LPP: variants seen among roughly 807,000 people sequenced by gnomAD.
LPP encodes the protein lipoma-preferred partner.
A neutral mutation model predicts 60.4 loss-of-function variants in LPP; 38 were observed. The observed-to-expected ratio is 0.63, with a 90% CI of 0.49 to 0.83. The LOEUF (loss-of-function observed/expected upper bound fraction) is 0.83. Among genes scored for constraint, LPP ranks in the 40% least tolerant of loss-of-function variants. The pLI is 0.00. For missense variants in LPP, 902 were observed against 783.6 expected (o/e 1.15, Z -1.80); for synonymous variants, 328 against 290.8 (o/e 1.13, Z -1.30).
At chr3:188,466,921 GC>G (rs1170886107) in intron 4 of LPP, among the ~76,000 whole-genome samples, 10 of 58,578 alleles carry the variant, frequency 1.7e-4, no homozygotes, top group Admixed American at 7.1e-4. Context: ...ACCTCCCCCC[GC>G]CCCCCCGCCT....
chr3:188,171,179 T>C (rs1721490927), intron 1 of LPP, among the ~76,000 whole-genome samples: 1 of 152,152 alleles, frequency 6.6e-6, no homozygotes, highest in Admixed American at 6.6e-5. Flanking sequence ...AATTTGAATG[T>C]TTACTAAGTC....
At chr3:188,760,004 TG>T in intron 8 of LPP, 108 bp from the exon 9 acceptor site, 1 of 843,408 alleles carries the variant, frequency 1.2e-6, no homozygotes, top group Non-Finnish European at 1.9e-6. Flanking sequence ...ACGGCAGGAG[TG>T]GTGGTTCTAT....
intron 1 of LPP, among the ~76,000 whole-genome samples, chr3:188,201,477 C>T (rs1188734096): frequency 3.9e-5 from 6 of 152,112 alleles, no homozygotes; most frequent in Non-Finnish European, 7.4e-5. Context: ...GCGGCTAAGG[C>T]GGGCGGATCA....
At chr3:188,620,118 T>C (rs1484901082) in intron 7 of LPP, among the ~76,000 whole-genome samples, 2 of 152,166 alleles carry the variant, frequency 1.3e-5, no homozygotes, top group Non-Finnish European at 2.9e-5. Context: ...TTTTATATAA[T>C]AACATTTTAA....
At chr3:188,694,177 G>T (rs1432140608) in intron 7 of LPP, among the ~76,000 whole-genome samples, 3 of 152,168 alleles carry the variant, frequency 2.0e-5, no homozygotes, top group Non-Finnish European at 4.4e-5. Flanking sequence ...GAACCCGGCA[G>T]AAAATTTTTC....
At chr3:188,512,572 T>TAAAC (rs1357410271) in intron 5 of LPP, among the ~76,000 whole-genome samples, 2 of 150,686 alleles carry the variant, frequency 1.3e-5, no homozygotes, top group Non-Finnish European at 3.0e-5. Context: ...AATAAATAAA[T>TAAAC]AAATAAATAA....
chr3:188,826,651 CT>C (rs1755598962), intron 9 of LPP, among the ~76,000 whole-genome samples: 1 of 152,084 alleles, frequency 6.6e-6, no homozygotes, highest in African/African-American at 2.4e-5. Flanking sequence ...AATTCCCTCC[CT>C]CAAGCTCCCC....
Position 188,510,512 on chromosome 3 carries a change from T to C in LPP, c.307-14153T>C, listed in dbSNP as rs57437604. ...CTCAGCCTGAAATATGTGTGATTCA[T>C]ACCATGTGTTTGTTCCCACATCAAC... On this transcript the variant is annotated intron_variant, in intron 5 of 11. Coordinates refer to ENST00000617246, the MANE Select transcript of LPP (RefSeq NM_001375462.1). Among the ~76,000 whole-genome samples the C allele has an allele frequency of 3.4e-3, 524 of 152,330 alleles. 8 individuals are homozygous for C. The highest frequency in any genetic ancestry group is 0.012 in the African/African-American group (499 of 41,566).
intron 7 of LPP, among the ~76,000 whole-genome samples, chr3:188,681,466 C>T (rs564295237): frequency 6.6e-6 from 1 of 152,326 alleles, no homozygotes; most frequent in Non-Finnish European, 1.5e-5. Context: ...AGCATTTGAT[C>T]TACCTTCTCT....
intron 4 of LPP, among the ~76,000 whole-genome samples, chr3:188,478,246 A>G (rs1803756067): frequency 6.6e-6 from 1 of 152,138 alleles, no homozygotes; most frequent in Non-Finnish European, 1.5e-5. Context: ...TGTCATGTAT[A>G]ATGTAGACAT....
chr3:188,236,083 T>TA (rs537815631), intron 2 of LPP, among the ~76,000 whole-genome samples: 2 of 151,756 alleles, frequency 1.3e-5, no homozygotes, highest in Non-Finnish European at 1.5e-5. Context: ...GAACAAATGT[T>TA]AAAAAAAAGA....
At chr3:188,231,139 ACT>A (rs1289206433) in intron 2 of LPP, among the ~76,000 whole-genome samples, 1 of 152,196 alleles carries the variant, frequency 6.6e-6, no homozygotes, top group African/African-American at 2.4e-5. Context: ...GAGGTGACAC[ACT>A]GTTCCCTCTG....
chr3:188,820,904 T>A (rs1328871831), intron 9 of LPP, among the ~76,000 whole-genome samples: 1 of 152,154 alleles, frequency 6.6e-6, no homozygotes, highest in African/African-American at 2.4e-5. Context: ...GTATTATCTA[T>A]GAAACTGTTA....
At chr3:188,743,620 T>C (rs1428228689) in intron 8 of LPP, 1 of 151,884 alleles carries the variant, frequency 6.6e-6, no homozygotes, top group East Asian at 1.9e-4. Flanking sequence ...ACCAATGAAG[T>C]GTACAAGCAG....
intron 3 of LPP, among the ~76,000 whole-genome samples, chr3:188,365,291 T>A (rs749670858): frequency 6.6e-6 from 1 of 152,152 alleles, no homozygotes; most frequent in Non-Finnish European, 1.5e-5. Context: ...AGTAGAAGTG[T>A]ATGTTTAAAT....
At chr3:188,321,721 G>T (rs555687611) in intron 2 of LPP, among the ~76,000 whole-genome samples, 1 of 152,144 alleles carries the variant, frequency 6.6e-6, no homozygotes, top group Admixed American at 6.5e-5. Context: ...TGAAAATAGG[G>T]ATTGGGTCTT....
At chr3:188,338,513 G>GTT (rs893090225) in intron 2 of LPP, among the ~76,000 whole-genome samples, 64 of 152,306 alleles carry the variant, frequency 4.2e-4, no homozygotes, top group Middle Eastern at 6.8e-3. Context: ...TTTCGCAGTG[G>GTT]TTTTGGGATA....
chr3:188,200,996 G>A (rs534505753), intron 1 of LPP, among the ~76,000 whole-genome samples: 2 of 152,194 alleles, frequency 1.3e-5, no homozygotes, highest in African/African-American at 2.4e-5. Context: ...AGTTGCCCAC[G>A]TTCAGTTTCT....
In LPP at chr3:188,408,795, G is replaced by T. The variant is rs1200969701; in HGVS notation, c.193+2482G>T. On this transcript the variant is annotated intron_variant, in intron 4 of 11. Coordinates refer to ENST00000617246, the MANE Select transcript of LPP (RefSeq NM_001375462.1). Reference sequence around the variant, plus strand: ...TATAAAGAAATGGAAGCTTAAAGGAGGTGACATTCTCTATGATTTGCTTGG... The same window carrying T: ...TATAAAGAAATGGAAGCTTAAAGGATGTGACATTCTCTATGATTTGCTTGG... 4.0e-5 allele frequency among the ~76,000 whole-genome samples: 6 copies of T among 151,528 alleles called. No individual in the cohort carries two copies. The East Asian group carries it at 1.2e-3, about 29-fold the overall frequency.
Sources: gnomAD v4.1 joint callset for allele counts (sites outside exome capture counted in the v4.1 genomes callset) on GRCh38, gnomAD v4.1.1 for gene constraint, MANE v1.5 for transcripts, NCBI Gene and HGNC (gene_info 2026-07-23, HGNC 2026-07-21) for gene names.